The following CLASP1 variants were observed in gnomAD, a reference collection of about 807,000 sequenced individuals.
CLASP1 encodes cytoplasmic linker associated protein 1.
CLASP1 carries 38 observed loss-of-function variants against 192.3 expected under a neutral mutation model. That is an observed-to-expected ratio of 0.20 (90% CI 0.15 to 0.26). The LOEUF (loss-of-function observed/expected upper bound fraction) is 0.26, where lower values mean the gene tolerates loss of function less well. CLASP1 is among the 10% of genes least tolerant of loss of function. The probability of loss-of-function intolerance (pLI) is 1.00; values close to 1 mark genes in which losing one functional copy is unlikely to be tolerated. For synonymous variants in CLASP1, 691 were observed against 712.8 expected, an observed-to-expected ratio of 0.97 and a Z score of 0.49; for missense variants, 1,433 against 1,932.5, an observed-to-expected ratio of 0.74 and a Z score of 4.85.
intron 6 of CLASP1, among the ~76,000 whole-genome samples, chr2:121,525,191 T>G (rs572753907): frequency 6.6e-6 from 1 of 152,122 alleles, no homozygotes; most frequent in Admixed American, 6.5e-5. Flanking sequence ...GGTTGAGAAA[T>G]AGCATTGAAC....
At chr2:121,377,632 G>C in exon 34 of CLASP1, 1 of 1,584,802 alleles carries the variant, frequency 6.3e-7, no homozygotes. Context: ...CAGGTTCTCT[G>C]TATCATAGTC....
intron 2 of CLASP1, among the ~76,000 whole-genome samples, chr2:121,590,659 A>T (rs1476922015): frequency 6.6e-6 from 1 of 152,174 alleles, no homozygotes; most frequent in Non-Finnish European, 1.5e-5. Context: ...CAATAAGTAC[A>T]TATTGCTTTT....
At chr2:121,639,902 T>C (rs563720116) in intron 1 of CLASP1, among the ~76,000 whole-genome samples, 10 of 149,104 alleles carry the variant, frequency 6.7e-5, no homozygotes, top group Non-Finnish European at 1.5e-4. Context: ...ATCACGCTAC[T>C]ATAAAGACAC....
At chr2:121,367,235 TG>T (rs1238732802) in intron 35 of CLASP1, among the ~76,000 whole-genome samples, 2 of 152,226 alleles carry the variant, frequency 1.3e-5, no homozygotes, top group African/African-American at 4.8e-5. Context: ...CTCGCCATCC[TG>T]TTTGTTCCTA....
intron 1 of CLASP1, among the ~76,000 whole-genome samples, chr2:121,642,742 TCAAA>T (rs774305850): frequency 6.6e-6 from 1 of 152,030 alleles, no homozygotes; most frequent in East Asian, 1.9e-4. Context: ...AAAAAAAATC[TCAAA>T]CAGTTTACCA....
intron 36 of CLASP1, 92 bp downstream of exon 37, chr2:121,365,002 G>A (rs750312098): frequency 3.3e-6 from 4 of 1,198,234 alleles, no homozygotes; most frequent in Non-Finnish European, 4.9e-6. Flanking sequence ...GCACAACCCA[G>A]AAAGTAAAGC....
At chr2:121,456,177 A>G (rs1285060939) in intron 14 of CLASP1, among the ~76,000 whole-genome samples, 17 of 152,110 alleles carry the variant, frequency 1.1e-4, no homozygotes, top group Admixed American at 3.9e-4. Context: ...GTTGTACACC[A>G]TAAGTCTTCA....
At chr2:121,421,365 C>T (rs553794457) in intron 22 of CLASP1, among the ~76,000 whole-genome samples, 344 of 152,116 alleles carry the variant, frequency 2.3e-3, no homozygotes, top group Non-Finnish European at 4.0e-3. Context: ...AAGTGATTCT[C>T]GTCCCACGAG....
intron 7 of CLASP1, among the ~76,000 whole-genome samples, chr2:121,504,376 C>T (rs1031035506): frequency 6.6e-6 from 1 of 152,222 alleles, no homozygotes; most frequent in Non-Finnish European, 1.5e-5. Flanking sequence ...TGCCAGCTCT[C>T]ATCATTTCAA....
At chr2:121,354,384 T>C (rs1283214469) in intron 37 of CLASP1, among the ~76,000 whole-genome samples, 1 of 152,190 alleles carries the variant, frequency 6.6e-6, no homozygotes, top group Non-Finnish European at 1.5e-5. Context: ...TGTCAGGTAA[T>C]GGGTTACCTC....
At chr2:121,410,268 T>G (rs1000918910) in intron 24 of CLASP1, among the ~76,000 whole-genome samples, 40 of 152,196 alleles carry the variant, frequency 2.6e-4, no homozygotes, top group African/African-American at 9.2e-4. Flanking sequence ...GGAAACTTTT[T>G]GGTATAACCA....
chr2:121,537,395 G>GAA (rs563899822), intron 2 of CLASP1, among the ~76,000 whole-genome samples: 1 of 128,590 alleles, frequency 7.8e-6, no homozygotes, highest in African/African-American at 2.9e-5. Context: ...CTGTGTCCAA[G>GAA]AAAAAAAAAA....
intron 1 of CLASP1, among the ~76,000 whole-genome samples, chr2:121,607,937 C>T (rs2064667325): frequency 6.6e-6 from 1 of 152,146 alleles, no homozygotes; most frequent in African/African-American, 2.4e-5. Context: ...AGCCCCAGCA[C>T]ATAACTACCC....
At chr2:121,400,394 C>T (rs915033811) in intron 28 of CLASP1, among the ~76,000 whole-genome samples, 6 of 152,098 alleles carry the variant, frequency 3.9e-5, no homozygotes, top group African/African-American at 7.2e-5. Flanking sequence ...GAGGAACAGA[C>T]GCATACTTTG....
At chr2:121,570,473 C>A (rs1407387240) in intron 2 of CLASP1, among the ~76,000 whole-genome samples, 1 of 152,238 alleles carries the variant, frequency 6.6e-6, no homozygotes, top group Non-Finnish European at 1.5e-5. Flanking sequence ...CTCCCACATG[C>A]CTGATTGTTC....
chr2:121,367,631 C>T (rs1164408558), exon 35 of CLASP1: 1 of 1,614,050 alleles, frequency 6.2e-7, no homozygotes, highest in Admixed American at 1.7e-5. Context: ...CAGCCTCTTT[C>T]AGGGCGGTCT....
At chr2:121,420,396 C>T (rs577059045) in intron 22 of CLASP1, among the ~76,000 whole-genome samples, 3 of 152,278 alleles carry the variant, frequency 2.0e-5, no homozygotes, top group East Asian at 1.9e-4. Context: ...TCTACCAATA[C>T]GGACAACTTT....
At chr2:121,517,829 CTAG>C (rs2094345590) in intron 6 of CLASP1, among the ~76,000 whole-genome samples, 1 of 126,756 alleles carries the variant, frequency 7.9e-6, no homozygotes, top group Admixed American at 8.1e-5. Flanking sequence ...CCACCACACT[CTAG>C]CCTCAGAGAC....
intron 6 of CLASP1, among the ~76,000 whole-genome samples, chr2:121,523,932 C>G (rs1243601080): frequency 2.0e-5 from 3 of 152,156 alleles, no homozygotes; most frequent in Non-Finnish European, 4.4e-5. Context: ...AGTGAGGGGA[C>G]CCTGTGGGAT....
Sources: gnomAD v4.1 joint callset for allele counts (sites outside exome capture counted in the v4.1 genomes callset) on GRCh38, gnomAD v4.1.1 for gene constraint, MANE v1.5 for transcripts, NCBI Gene and HGNC (gene_info 2026-07-23, HGNC 2026-07-21) for gene names.